The following EHMT1 variants were observed in gnomAD, a reference collection of about 807,000 sequenced individuals.
EHMT1 encodes the protein histone-lysine N-methyltransferase EHMT1.
In EHMT1, 15 loss-of-function variants were observed where a neutral mutation model predicts 147.2. The ratio of observed to expected loss-of-function variants is 0.10; its 90% CI spans 0.07 to 0.16. The LOEUF (loss-of-function observed/expected upper bound fraction) is 0.16. EHMT1 is among the 10% of genes least tolerant of loss of function. The pLI, the probability that EHMT1 is intolerant of heterozygous loss-of-function variation, is 1.00. For synonymous variants in EHMT1, 795 were observed against 709.6 expected, an observed-to-expected ratio of 1.12 and a Z score of -1.91; for missense variants, 1,587 against 1,772.4, an observed-to-expected ratio of 0.90 and a Z score of 1.88.
In EHMT1 at chr9:137,834,407, A is replaced by G. The variant is rs201181085; in HGVS notation, c.3599A>G (p.Asn1200Ser). Residue 1200 changes from asparagine to serine, a missense_variant, in exon 26 of 27, where the codon AAC becomes AGC. Around this residue, in one of 7 missense-constraint regions of EHMT1, gnomAD observed 141 missense variants for 150.8 expected, o/e 0.94. Coordinates refer to ENST00000460843, the MANE Select transcript of EHMT1 (RefSeq NM_024757.5). ...TACGGGAACGTCAGCCGGTTCATCAACCACCACTGCGAGCCCAACCTGGTG... is the reference window on the plus strand; with the variant it reads ...TACGGGAACGTCAGCCGGTTCATCAGCCACCACTGCGAGCCCAACCTGGTG... The part of the protein sequence containing the change: ...RFYGNVSRFI[N>S]HHCEPNLVPV... The G allele has an allele frequency of 8.7e-6, 14 of 1,613,260 alleles. No homozygotes were observed. The highest frequency in any genetic ancestry group is 1.7e-5 in the Admixed American group (1 of 60,018).
intron 1 of EHMT1, among the ~76,000 whole-genome samples, chr9:137,625,452 C>G (rs1342559726): frequency 1.3e-5 from 2 of 152,076 alleles, no homozygotes; most frequent in African/African-American, 2.4e-5. Context: ...AAGCCTCTTG[C>G]CTCAGCTTCC....
intron 1 of EHMT1, among the ~76,000 whole-genome samples, chr9:137,662,848 C>G (rs1222694109): frequency 6.7e-6 from 1 of 150,126 alleles, no homozygotes; most frequent in Non-Finnish European, 1.5e-5. Context: ...GGCTGGAGTG[C>G]AATGGTGCGA....
intron 15 of EHMT1, chr9:137,788,261 G>A: frequency 2.3e-6 from 1 of 441,904 alleles, no homozygotes; most frequent in South Asian, 6.2e-5. Flanking sequence ...ACTGCATGCT[G>A]AAGCCATTGC....
chr9:137,720,747 G>GT (rs1400039629), intron 3 of EHMT1, among the ~76,000 whole-genome samples: 2 of 152,280 alleles, frequency 1.3e-5, no homozygotes, highest in South Asian at 2.1e-4. Flanking sequence ...GTTCTGTGGG[G>GT]TGTGGACAGC....
At chr9:137,680,540 A>C (rs1445234084) in intron 1 of EHMT1, among the ~76,000 whole-genome samples, 1 of 152,232 alleles carries the variant, frequency 6.6e-6, no homozygotes, top group African/African-American at 2.4e-5. Context: ...TACCAGAAGG[A>C]ATAGTCCATG....
At position 137,775,468 on chromosome 9, in the gene EHMT1, C is replaced by T. The variant is rs554833402; in HGVS notation, c.1791+216C>T. On this transcript the variant is annotated intron_variant, in intron 11 of 26. Coordinates refer to ENST00000460843, the MANE Select transcript of EHMT1 (RefSeq NM_024757.5). The surrounding 1 kb of genome is among the most constrained non-coding windows in gnomAD (Gnocchi z 6.1). ...CTTCACCCCCAACCCCCATTTCCCTCCTACCGCCTGGAAACCGCTTTTGGA... is the reference window on the plus strand; with the variant it reads ...CTTCACCCCCAACCCCCATTTCCCTTCTACCGCCTGGAAACCGCTTTTGGA... 1.0e-3 allele frequency among the ~76,000 whole-genome samples: 159 copies of T among 151,918 alleles called. No homozygotes were observed. The highest frequency in any genetic ancestry group is 3.8e-3 in the African/African-American group (159 of 41,486).
chr9:137,669,378 G>A (rs56013232), intron 1 of EHMT1, among the ~76,000 whole-genome samples: 57 of 3,128 alleles, frequency 0.018, 1 homozygote, highest in East Asian at 0.036. Flanking sequence ...ACGTGCACTG[G>A]ACTCCACCCA....
intron 2 of EHMT1, among the ~76,000 whole-genome samples, chr9:137,714,001 C>G (rs1944976570): frequency 6.6e-6 from 1 of 152,106 alleles, no homozygotes; most frequent in Non-Finnish European, 1.5e-5. Flanking sequence ...TATCTTATAT[C>G]CTATAACCTT....
At chr9:137,711,896 C>G (rs1319353079) in intron 2 of EHMT1, among the ~76,000 whole-genome samples, 1 of 152,242 alleles carries the variant, frequency 6.6e-6, no homozygotes, top group Non-Finnish European at 1.5e-5. Flanking sequence ...CCTCTCCAGA[C>G]AGCGCGCAAG....
intron 1 of EHMT1, among the ~76,000 whole-genome samples, chr9:137,631,826 C>T (rs1226621573): frequency 6.6e-6 from 1 of 152,068 alleles, no homozygotes; most frequent in African/African-American, 2.4e-5. Context: ...TGCAGTGAAC[C>T]GTGTTGGTGC....
At chr9:137,760,340 T>C (rs189735019) in intron 9 of EHMT1, among the ~76,000 whole-genome samples, 5 of 152,336 alleles carry the variant, frequency 3.3e-5, no homozygotes, top group Non-Finnish European at 4.4e-5. Context: ...TGGCCAGTGC[T>C]GTGGTAGGAC....
At chr9:137,833,266 T>A (rs1956348379) in intron 25 of EHMT1, among the ~76,000 whole-genome samples, 1 of 152,206 alleles carries the variant, frequency 6.6e-6, no homozygotes, top group African/African-American at 2.4e-5. Context: ...CCCAGGTGCC[T>A]CCTTCCCCGT....
chr9:137,629,879 T>C (rs545377739), intron 1 of EHMT1, among the ~76,000 whole-genome samples: 2 of 152,202 alleles, frequency 1.3e-5, no homozygotes, highest in East Asian at 1.9e-4. Flanking sequence ...AGGTATGATA[T>C]AGAAAGCATT....
chr9:137,801,071 C>A, intron 18 of EHMT1, 87 bp downstream of exon 18: 1 of 1,222,912 alleles, frequency 8.2e-7, no homozygotes, highest in Non-Finnish European at 1.2e-6. Context: ...AAAAGCAGAA[C>A]CCTGGCACCT....
At chr9:137,793,415 A>G (rs1952670030) in intron 16 of EHMT1, among the ~76,000 whole-genome samples, 1 of 152,248 alleles carries the variant, frequency 6.6e-6, no homozygotes. Flanking sequence ...GGATGTGGCA[A>G]TATCGGAACT....
chr9:137,697,075 G>A (rs1468343067), intron 1 of EHMT1: 10 of 365,556 alleles, frequency 2.7e-5, no homozygotes, highest in Non-Finnish European at 5.6e-5. Context: ...GAGGTCAGGA[G>A]TTAGAGACCA....
intron 3 of EHMT1, among the ~76,000 whole-genome samples, chr9:137,721,281 C>T (rs1945968656): frequency 6.6e-6 from 1 of 150,726 alleles, no homozygotes; most frequent in African/African-American, 2.4e-5. Context: ...TCACCCCTCC[C>T]AGACTTCTCA....
At chr9:137,674,195 A>C (rs755469819) in intron 1 of EHMT1, among the ~76,000 whole-genome samples, 3 of 152,136 alleles carry the variant, frequency 2.0e-5, no homozygotes, top group Non-Finnish European at 4.4e-5. Context: ...GCTGCCCTTT[A>C]CGAGGCAGTG....
intron 4 of EHMT1, among the ~76,000 whole-genome samples, chr9:137,738,205 C>T (rs1462032053): frequency 6.9e-6 from 1 of 145,592 alleles, no homozygotes; most frequent in Non-Finnish European, 1.5e-5. Flanking sequence ...AAAAAAACAA[C>T]AACAAAAAAA....
Sources: allele counts gnomAD v4.1 joint callset (sites outside exome capture counted in the v4.1 genomes callset), GRCh38; gene constraint gnomAD v4.1.1; regional missense constraint gnomAD v4.1.1; non-coding constraint Gnocchi (gnomAD v3.1); transcripts MANE v1.5; gene names NCBI Gene and HGNC (gene_info 2026-07-23, HGNC 2026-07-21).